The following LRMDA variants were observed in gnomAD, a reference collection of about 807,000 sequenced individuals.
LRMDA encodes leucine-rich melanocyte differentiation-associated protein.
In LRMDA, 18 loss-of-function variants were observed where a neutral mutation model predicts 29.8. The ratio of observed to expected loss-of-function variants is 0.60; its 90% CI spans 0.42 to 0.90. LRMDA has a LOEUF of 0.90. Ranked by LOEUF, LRMDA falls within the 40% of genes least tolerant of loss-of-function variation. The pLI, the probability that LRMDA is intolerant of heterozygous loss-of-function variation, is 0.00. For missense variants in LRMDA, 273 were observed against 273.9 expected (o/e 1.00, Z 0.02); for synonymous variants, 125 against 109.4 (o/e 1.14, Z -0.89).
At chr10:76,198,257 T>A (rs1851366562) in intron 5 of LRMDA, among the ~76,000 whole-genome samples, 1 of 152,232 alleles carries the variant, frequency 6.6e-6, no homozygotes. Context: ...CTGGAGATTT[T>A]GTTAAAATCA....
chr10:76,313,280 C>T (rs779028744), intron 5 of LRMDA, among the ~76,000 whole-genome samples: 45 of 152,276 alleles, frequency 3.0e-4, no homozygotes, highest in Non-Finnish European at 3.8e-4. Context: ...AAGTGTTTAA[C>T]GCAGTTCTCG....
chr10:76,518,321 A>G (rs1843084409), intron 6 of LRMDA, among the ~76,000 whole-genome samples: 1 of 149,924 alleles, frequency 6.7e-6, no homozygotes, highest in African/African-American at 2.5e-5. Context: ...CTATCTATCT[A>G]TCTATCATCT....
At position 76,258,432 on chromosome 10, in the gene LRMDA, G is replaced by A. The variant is rs369300471; in HGVS notation, c.517-65969G>A. Among the ~76,000 whole-genome samples the A allele has an allele frequency of 2.7e-4, 41 of 151,998 alleles. No individual in the cohort carries two copies. The East Asian group carries it at 2.7e-3, about 10-fold the overall frequency. ...CAGTGTAATTAGCATATCCCTCATC[G>A]CAAACATTTTTCATTTCTTTATGTT... On this transcript the variant is annotated intron_variant, in intron 5 of 6. Coordinates refer to ENST00000611255, the MANE Select transcript of LRMDA (RefSeq NM_001305581.2).
chr10:75,708,197 T>C (rs1299305786), intron 2 of LRMDA, among the ~76,000 whole-genome samples: 1 of 152,178 alleles, frequency 6.6e-6, no homozygotes, highest in Non-Finnish European at 1.5e-5. Flanking sequence ...TTTATTGCGC[T>C]GTCTGCTGCC....
rs190752366 is a variant in LRMDA at position 75,889,959 on chromosome 10, C to T, written c.132-146049C>T. Among the ~76,000 whole-genome samples, 188 of 152,316 alleles carry T rather than the reference C, an allele frequency of 1.2e-3. 1 individual carries two copies. The highest frequency in any genetic ancestry group is 6.8e-3 in the Middle Eastern group (2 of 294). ...GACCTGAAGGGTAGGTGGATTTTAG[C>T]TGGTTAGAAGATGTTCTGGCTATTG... On this transcript the variant is annotated intron_variant, in intron 2 of 6. Transcript: ENST00000611255.
chr10:75,746,278 CA>C (rs1431453938), intron 2 of LRMDA, among the ~76,000 whole-genome samples: 1 of 152,206 alleles, frequency 6.6e-6, no homozygotes, highest in Non-Finnish European at 1.5e-5. Context: ...TTGGTTTAAA[CA>C]ACTGAAACAA....
intron 2 of LRMDA, among the ~76,000 whole-genome samples, chr10:75,793,964 A>G (rs1843610409): frequency 6.6e-6 from 1 of 152,228 alleles, no homozygotes; most frequent in Non-Finnish European, 1.5e-5. Flanking sequence ...CTGTCCCCAT[A>G]GTGGGAAAAC....
chr10:75,784,703 GAA>G (rs373995294), intron 2 of LRMDA, among the ~76,000 whole-genome samples: 3 of 100,464 alleles, frequency 3.0e-5, no homozygotes. Flanking sequence ...CTCCATCTCA[GAA>G]AAAAAAAAAA....
At chr10:76,246,518 G>T (rs535953017) in intron 5 of LRMDA, among the ~76,000 whole-genome samples, 1 of 149,552 alleles carries the variant, frequency 6.7e-6, no homozygotes, top group Non-Finnish European at 1.5e-5. Flanking sequence ...GTCTTCCCTG[G>T]GGCAAGCAAG....
At chr10:76,411,510 T>C (rs183994019) in intron 6 of LRMDA, among the ~76,000 whole-genome samples, 2 of 152,378 alleles carry the variant, frequency 1.3e-5, no homozygotes, top group Admixed American at 1.3e-4. Flanking sequence ...ATTATTTCCC[T>C]AAAGGGACAG....
chr10:75,862,750 C>G (rs1415000436), intron 2 of LRMDA, among the ~76,000 whole-genome samples: 5 of 152,138 alleles, frequency 3.3e-5, no homozygotes, highest in Non-Finnish European at 7.3e-5. Flanking sequence ...TCACCATGAT[C>G]AGAAGTATTC....
chr10:75,610,694 A>G (rs963113300), intron 2 of LRMDA, among the ~76,000 whole-genome samples: 2 of 152,156 alleles, frequency 1.3e-5, no homozygotes, highest in Non-Finnish European at 2.9e-5. Flanking sequence ...TCCTGACACA[A>G]TGTATTTTCT....
In LRMDA at chr10:76,157,360, T is replaced by A. The variant is rs541859288; in HGVS notation, c.516+98577T>A. ...GGTGCAGTGGCTCACACCTGCAATC[T>A]GAGCTACTTGGGAGTCTGAGTCAGG... On this transcript the variant is annotated intron_variant, in intron 5 of 6. Coordinates refer to ENST00000611255, the MANE Select transcript of LRMDA (RefSeq NM_001305581.2). 2.6e-5 allele frequency among the ~76,000 whole-genome samples: 4 copies of A among 152,306 alleles called. No homozygotes were observed. The South Asian group carries it at 8.3e-4, about 32-fold the overall frequency.
intron 6 of LRMDA, among the ~76,000 whole-genome samples, chr10:76,368,424 G>A (rs1375106399): frequency 2.6e-5 from 4 of 152,026 alleles, no homozygotes; most frequent in African/African-American, 9.7e-5. Context: ...GATTCCTTTT[G>A]GATTTGATTT....
chr10:75,474,771 G>C (rs527579059), intron 2 of LRMDA, among the ~76,000 whole-genome samples: 5 of 152,278 alleles, frequency 3.3e-5, no homozygotes, highest in African/African-American at 7.2e-5. Context: ...CCCTTCAGTG[G>C]GTTGTAAGAC....
intron 2 of LRMDA, among the ~76,000 whole-genome samples, chr10:75,952,387 C>T (rs1369244051): frequency 6.6e-6 from 1 of 152,198 alleles, no homozygotes; most frequent in East Asian, 1.9e-4. Context: ...CCTTCAGTCA[C>T]TGATGATATA....
At chr10:76,483,628 T>C (rs1223040306) in intron 6 of LRMDA, among the ~76,000 whole-genome samples, 2 of 150,992 alleles carry the variant, frequency 1.3e-5, no homozygotes, top group African/African-American at 4.9e-5. Flanking sequence ...GAGATCAAAA[T>C]AGTAGAAATA....
At chr10:76,396,381 G>A (rs117904519) in intron 6 of LRMDA, 1 of 152,074 alleles carries the variant, frequency 6.6e-6, no homozygotes. Context: ...GAGAGGGAGA[G>A]ACCATATGGT....
intron 6 of LRMDA, among the ~76,000 whole-genome samples, chr10:76,377,265 G>A (rs773527932): frequency 1.3e-5 from 2 of 152,114 alleles, no homozygotes; most frequent in African/African-American, 4.8e-5. Flanking sequence ...TTCTTGTTGA[G>A]TTGTTTGAGT....
Sources: allele counts gnomAD v4.1 joint callset (sites outside exome capture counted in the v4.1 genomes callset), GRCh38; gene constraint gnomAD v4.1.1; transcripts MANE v1.5; gene names NCBI Gene and HGNC (gene_info 2026-07-23, HGNC 2026-07-21).